Variants in CDC14A observed in about 807,000 individuals in gnomAD.
CDC14A encodes the protein cell division cycle 14A.
A neutral mutation model predicts 74.4 loss-of-function variants in CDC14A; 53 were observed. That is an observed-to-expected ratio of 0.71 (90% CI 0.57 to 0.89). The LOEUF (loss-of-function observed/expected upper bound fraction) is 0.89. Among genes scored for constraint, CDC14A ranks in the 40% least tolerant of loss-of-function variants. The pLI is 0.00. For missense variants in CDC14A, 646 were observed against 713.7 expected, an observed-to-expected ratio of 0.91 and a Z score of 1.08; for synonymous variants, 247 against 258.4, an observed-to-expected ratio of 0.96 and a Z score of 0.43.
chr1:100,429,966 A>G (rs1217577879), intron 5 of CDC14A, among the ~76,000 whole-genome samples: 3 of 151,268 alleles, frequency 2.0e-5, no homozygotes, highest in African/African-American at 4.9e-5. Flanking sequence ...GTGGGCTTGA[A>G]CTCTTGGGCT....
intron 3 of CDC14A, among the ~76,000 whole-genome samples, chr1:100,384,361 C>A (rs1298269508): frequency 6.6e-6 from 1 of 152,140 alleles, no homozygotes; most frequent in African/African-American, 2.4e-5. Context: ...CTAAATTCCA[C>A]CTTTTATCTA....
intron 10 of CDC14A, among the ~76,000 whole-genome samples, chr1:100,473,788 T>G (rs891653511): frequency 6.6e-6 from 1 of 152,192 alleles, no homozygotes; most frequent in Non-Finnish European, 1.5e-5. Flanking sequence ...GATTGCTTTT[T>G]CATCCACAAA....
chr1:100,506,347 A>G (rs11166464), intron 15 of CDC14A, among the ~76,000 whole-genome samples: 2,500 of 152,218 alleles, frequency 0.016, 65 homozygotes, highest in African/African-American at 0.057. Flanking sequence ...GATACTAACT[A>G]CATATCAAGA....
At position 100,494,899 on chromosome 1, in the gene CDC14A, C is replaced by A; in HGVS notation, c.1219C>A (p.Gln407Lys). Residue 407 changes from glutamine to lysine, a missense_variant, in exon 12 of 16, where the codon CAG becomes AAG. Physicochemically the swap from Gln to Lys is moderately conservative, Grantham distance 53. Transcript: ENST00000336454. Reference protein sequence around the residue: ...DKLRALKSQRQPRTSPSCAFR... With the variant: ...DKLRALKSQRKPRTSPSCAFR... ...ACTACGTGCCTTAAAAAGTCAGAGA[C>A]AGCCACGTACCTCACCATCCTGTGC... The A allele has an allele frequency of 6.2e-7, 1 of 1,610,628 alleles. No homozygotes were observed. Among genetic ancestry groups the A allele is most frequent in the Non-Finnish European group, 8.5e-7 (1 of 1,176,934 alleles).
intron 8 of CDC14A, among the ~76,000 whole-genome samples, chr1:100,457,646 T>G (rs1351477003): frequency 7.3e-6 from 1 of 136,308 alleles, no homozygotes; most frequent in Non-Finnish European, 1.6e-5. Context: ...TTTTTTTTAA[T>G]TTTTAGTAGA....
Position 100,508,285 on chromosome 1 carries a change from GTATATATATAGA to G in CDC14A, c.1755+9034_1755+9045del, listed in dbSNP as rs1649412375. Among the ~76,000 whole-genome samples the G allele has an allele frequency of 6.6e-6, 1 of 151,166 alleles. No homozygotes were observed. Among genetic ancestry groups the G allele is most frequent in the African/African-American group, 2.4e-5 (1 of 41,180 alleles). ...CTTCTTATTCTTTTTATATGTGTGT[GTATATATATAGA>G]TATATATATATATTTTTTTCACTTG... is the stretch of plus-strand genomic sequence containing the variant. On this transcript the variant is annotated intron_variant, in intron 15 of 15. Coordinates refer to ENST00000336454, the MANE Select transcript of CDC14A (RefSeq NM_003672.4). The surrounding 1 kb of genome is among the most constrained non-coding windows in gnomAD (Gnocchi z 4.4).
intron 4 of CDC14A, among the ~76,000 whole-genome samples, chr1:100,408,760 G>C (rs972486878): frequency 6.6e-6 from 1 of 152,032 alleles, no homozygotes; most frequent in Admixed American, 6.6e-5. Context: ...CACATAATGA[G>C]GTTTTGCTAC....
Position 100,425,354 on chromosome 1 carries a change from C to T in CDC14A, c.389+1053C>T, listed in dbSNP as rs1265091473. Among the ~76,000 whole-genome samples the T allele has an allele frequency of 5.3e-5, 8 of 152,140 alleles. No individual in the cohort carries two copies. In the East Asian group the frequency reaches 7.7e-4, roughly 15 times the overall value. On this transcript the variant is annotated intron_variant, in intron 5 of 15. Coordinates refer to ENST00000336454, the MANE Select transcript of CDC14A (RefSeq NM_003672.4). ...TACCATAATTAACCAACACAATGAG[C>T]GAAAGGAATGGGAGTGACTGAGAAG...
Position 100,442,973 on chromosome 1 carries a change from G to A in CDC14A, c.496G>A (p.Val166Met). 1 of 1,599,932 alleles carries A rather than the reference G, an allele frequency of 6.3e-7. No homozygotes were observed. Among genetic ancestry groups the A allele is most frequent in the Non-Finnish European group, 8.6e-7 (1 of 1,167,890 alleles). Residue 166 changes from valine (V) to methionine (M), a missense_variant, in exon 7 of 16, where the codon GTG becomes ATG. Physicochemically the swap from Val to Met is conservative, Grantham distance 21. Coordinates refer to ENST00000336454, the MANE Select transcript of CDC14A (RefSeq NM_003672.4). ...HGFFDFETFD[V>M]DEYEHYERVE... Reference sequence around the variant, plus strand: ...ATTTTTTGACTTTGAGACATTTGATGTGGATGAATATGAACATTATGAGGT... The same window carrying A: ...ATTTTTTGACTTTGAGACATTTGATATGGATGAATATGAACATTATGAGGT...
intron 4 of CDC14A, among the ~76,000 whole-genome samples, chr1:100,399,854 CAA>C (rs78166292): frequency 2.5e-4 from 31 of 122,658 alleles, no homozygotes; most frequent in Admixed American, 3.3e-4. Context: ...GACCCTGACT[CAA>C]AAAAAAAAAA....
intron 9 of CDC14A, among the ~76,000 whole-genome samples, chr1:100,463,377 G>A (rs959015838): frequency 3.9e-5 from 6 of 152,182 alleles, no homozygotes; most frequent in East Asian, 1.9e-4. Flanking sequence ...GGAGCAGAGC[G>A]TCTTCCATGC....
intron 5 of CDC14A, among the ~76,000 whole-genome samples, chr1:100,434,735 G>GTT (rs571557424): frequency 6.6e-6 from 1 of 151,158 alleles, no homozygotes; most frequent in Non-Finnish European, 1.5e-5. Flanking sequence ...CGTTGCAGTT[G>GTT]TTTTTTTTTG....
intron 4 of CDC14A, among the ~76,000 whole-genome samples, chr1:100,401,200 G>A (rs1659213034): frequency 6.6e-6 from 1 of 152,018 alleles, no homozygotes; most frequent in African/African-American, 2.4e-5. Flanking sequence ...CTTTTTTTTA[G>A]CACTTGAAAT....
chr1:100,487,312 A>AC (rs528636461), intron 11 of CDC14A, among the ~76,000 whole-genome samples: 173 of 152,262 alleles, frequency 1.1e-3, no homozygotes, highest in African/African-American at 3.8e-3. Context: ...TAATCCTGGC[A>AC]CTCTGGGAGG....
chr1:100,447,831 TG>T (rs1665723832), intron 7 of CDC14A, among the ~76,000 whole-genome samples: 2 of 152,198 alleles, frequency 1.3e-5, no homozygotes, highest in Admixed American at 6.5e-5. Context: ...TCTGTTTTTT[TG>T]GGGGGTAGCT....
chr1:100,453,729 G>A (rs904932199), intron 7 of CDC14A, among the ~76,000 whole-genome samples: 1 of 152,024 alleles, frequency 6.6e-6, no homozygotes, highest in African/African-American at 2.4e-5. Context: ...AACCTTCATC[G>A]CTGGGGCTCA....
intron 4 of CDC14A, among the ~76,000 whole-genome samples, chr1:100,394,910 G>A (rs1658259751): frequency 6.6e-6 from 1 of 152,188 alleles, no homozygotes; most frequent in Non-Finnish European, 1.5e-5. Context: ...ATATATCTCA[G>A]TTAAAATTTA....
chr1:100,470,826 T>C (rs1433063727), intron 10 of CDC14A, among the ~76,000 whole-genome samples: 1 of 152,168 alleles, frequency 6.6e-6, no homozygotes, highest in East Asian at 1.9e-4. Flanking sequence ...ATGGAGCAAC[T>C]GGAACTCTCA....
chr1:100,516,404 G>C (rs1445134811), intron 15 of CDC14A, among the ~76,000 whole-genome samples: 2 of 152,090 alleles, frequency 1.3e-5, no homozygotes, highest in African/African-American at 4.8e-5. Flanking sequence ...TCTGTTTATT[G>C]ATAATTGATG....
Sources: gnomAD v4.1 joint callset for allele counts (sites outside exome capture counted in the v4.1 genomes callset) on GRCh38, gnomAD v4.1.1 for gene constraint, Gnocchi (gnomAD v3.1) non-coding constraint, MANE v1.5 for transcripts, NCBI Gene and HGNC (gene_info 2026-07-23, HGNC 2026-07-21) for gene names.